CRISPLD1: variants seen among roughly 807,000 people sequenced by gnomAD.
The protein encoded by CRISPLD1 is cysteine-rich secretory protein LCCL domain-containing 1.
CRISPLD1 carries 60 observed loss-of-function variants against 77.5 expected under a neutral mutation model. The observed-to-expected ratio is 0.77, with a 90% CI of 0.63 to 0.96. The LOEUF (loss-of-function observed/expected upper bound fraction) is 0.96, where lower values mean the gene tolerates loss of function less well. Among genes scored for constraint, CRISPLD1 ranks in the 40% least tolerant of loss-of-function variants. The pLI is 0.00. For synonymous variants in CRISPLD1, 195 were observed against 200.1 expected, an observed-to-expected ratio of 0.97 and a Z score of 0.22; for missense variants, 623 against 615.8, an observed-to-expected ratio of 1.01 and a Z score of -0.12.
chr8:75,029,708 C>T (rs1275332878), intron 14 of CRISPLD1, among the ~76,000 whole-genome samples, 191 bp downstream of exon 14: 1 of 152,070 alleles, frequency 6.6e-6, no homozygotes, highest in Non-Finnish European at 1.5e-5. Flanking sequence ...ACCAGAGGTG[C>T]CTGTCTCCTG....
At chr8:75,001,024 A>C (rs1382133226) in intron 2 of CRISPLD1, among the ~76,000 whole-genome samples, 1 of 152,096 alleles carries the variant, frequency 6.6e-6, no homozygotes, top group Non-Finnish European at 1.5e-5. Flanking sequence ...ATATCATTGC[A>C]AGTTTGATGT....
At chr8:75,032,139 T>G (rs1394924835) in intron 14 of CRISPLD1, 52 bp from the exon 15 acceptor site, 1 of 1,238,370 alleles carries the variant, frequency 8.1e-7, no homozygotes, top group Non-Finnish European at 1.2e-6. Context: ...TAAGAAGGAT[T>G]ATGTATAGAG....
chr8:75,006,986 T>A (rs1563396213), intron 2 of CRISPLD1, among the ~76,000 whole-genome samples: 1 of 152,186 alleles, frequency 6.6e-6, no homozygotes, highest in East Asian at 1.9e-4. Context: ...CTTTGTGAAA[T>A]TAATGTTTGA....
intron 2 of CRISPLD1, among the ~76,000 whole-genome samples, chr8:74,992,019 A>G (rs879928851): frequency 1.3e-5 from 2 of 152,194 alleles, no homozygotes; most frequent in Non-Finnish European, 2.9e-5. Context: ...GGTAAGTATC[A>G]TACCTTATTT....
intron 13 of CRISPLD1, 154 bp from the exon 14 acceptor site, chr8:75,029,233 C>G: frequency 1.3e-6 from 1 of 774,840 alleles, no homozygotes; most frequent in Non-Finnish European, 2.0e-6. Context: ...GTTTCAAACA[C>G]TCTTTTATGC....
At chr8:75,007,865 A>G (rs965315531) in intron 2 of CRISPLD1, among the ~76,000 whole-genome samples, 4 of 151,746 alleles carry the variant, frequency 2.6e-5, no homozygotes, top group Admixed American at 1.3e-4. Context: ...CTTTTTGTAA[A>G]GACAGGTCTC....
rs1813399588 is a variant in CRISPLD1 at position 75,033,927 on chromosome 8, C to T, written c.*1685C>T. 1 of 151,972 alleles carries T rather than the reference C, an allele frequency of 6.6e-6. No individual in the cohort carries two copies. The highest frequency in any genetic ancestry group is 2.1e-4 in the South Asian group (1 of 4,826). The allele number at this position is 151,972 out of a possible 1,614,324, so 9.4% of individuals were successfully genotyped here. ...CACCTTCTTAAATAGTATGACTTTACATAGACTCTTTTTCTGGTCCTTACT... is the reference window on the plus strand; with the variant it reads ...CACCTTCTTAAATAGTATGACTTTATATAGACTCTTTTTCTGGTCCTTACT... On this transcript the variant is annotated 3_prime_UTR_variant, in exon 15 of 15. Transcript: ENST00000262207.
chr8:75,000,142 A>G (rs1030572932), intron 2 of CRISPLD1: 5 of 984,976 alleles, frequency 5.1e-6, no homozygotes, highest in Admixed American at 6.2e-5. Context: ...CAAACAATAC[A>G]AAGTAACCAC....
At chr8:75,014,672 C>A (rs1812994668) in intron 5 of CRISPLD1, 140 bp from the exon 6 acceptor site, 1 of 521,272 alleles carries the variant, frequency 1.9e-6, no homozygotes. Context: ...ACCAGAAGGG[C>A]TCTATAATAA....
intron 2 of CRISPLD1, among the ~76,000 whole-genome samples, chr8:74,996,784 T>A (rs1457336876): frequency 1.5e-5 from 2 of 136,046 alleles, no homozygotes; most frequent in Non-Finnish European, 3.1e-5. Context: ...AGTGGCGCAA[T>A]GATGGCTCAC....
chr8:75,000,284 GA>G (rs1812718002), intron 2 of CRISPLD1: 5 of 985,306 alleles, frequency 5.1e-6, no homozygotes, highest in Non-Finnish European at 4.8e-6. Context: ...TCCAGAGAAG[GA>G]AAATCAAATG....
At chr8:74,994,533 A>G (rs140869592) in intron 2 of CRISPLD1, among the ~76,000 whole-genome samples, 93 of 152,238 alleles carry the variant, frequency 6.1e-4, no homozygotes, top group African/African-American at 2.1e-3. Flanking sequence ...CTGGTCACCC[A>G]TTTTACCCAC....
intron 5 of CRISPLD1, 79 bp downstream of exon 5, chr8:75,014,181 C>G (rs1812987130): frequency 1.8e-5 from 16 of 901,270 alleles, no homozygotes; most frequent in Admixed American, 9.7e-5. Flanking sequence ...TGATTGTTCC[C>G]CATTTTCAGT....
chr8:74,998,593 C>T (rs1041498374), intron 2 of CRISPLD1, among the ~76,000 whole-genome samples: 1 of 140,404 alleles, frequency 7.1e-6, no homozygotes, highest in Admixed American at 7.6e-5. Context: ...AAGGCTGAGG[C>T]AGGAGAATTG....
chr8:75,026,384 C>G (rs6472883), intron 13 of CRISPLD1: 57,697 of 152,126 alleles, frequency 0.38, 12,060 homozygotes, highest in African/African-American at 0.56. Flanking sequence ...GTGTTGGTTG[C>G]TAAAGAGGAT....
intron 2 of CRISPLD1, among the ~76,000 whole-genome samples, chr8:74,998,656 C>T (rs1390207740): frequency 7.1e-6 from 1 of 140,222 alleles, no homozygotes; most frequent in East Asian, 2.0e-4. Context: ...CCACTGCACT[C>T]CTGCCTGGGC....
At chr8:74,991,345 A>G (rs1812570456) in intron 2 of CRISPLD1, among the ~76,000 whole-genome samples, 1 of 152,038 alleles carries the variant, frequency 6.6e-6, no homozygotes, top group Admixed American at 6.6e-5. Context: ...CCATTAGTAA[A>G]GGTGACTTTT....
intron 2 of CRISPLD1, among the ~76,000 whole-genome samples, chr8:75,009,683 C>A (rs74870455): frequency 0.057 from 8,679 of 151,942 alleles, 520 homozygotes; most frequent in African/African-American, 0.16. Context: ...AATGATTTGT[C>A]CCCTAAGGAC....
Position 74,988,372 on chromosome 8 carries a change from A to G in CRISPLD1, c.258+2127A>G, listed in dbSNP as rs754835531. On this transcript the variant is annotated intron_variant, in intron 2 of 14. Transcript: ENST00000262207. ...AGTACTGCTGATTTTGGCCCCTTAT[A>G]CCCTATGTGTCTGTCATTTCATGTT... is the stretch of plus-strand genomic sequence containing the variant. Among the ~76,000 whole-genome samples the G allele has an allele frequency of 5.7e-4, 86 of 152,110 alleles. 2 individuals are homozygous for G. Among genetic ancestry groups the G allele is most frequent in the Non-Finnish European group, 1.0e-3 (69 of 67,984 alleles).
Sources: gnomAD v4.1 joint callset for allele counts (sites outside exome capture counted in the v4.1 genomes callset) on GRCh38, gnomAD v4.1.1 for gene constraint, MANE v1.5 for transcripts, NCBI Gene and HGNC (gene_info 2026-07-23, HGNC 2026-07-21) for gene names.